The following NDUFAF2 variants were observed in gnomAD, a reference collection of about 807,000 sequenced individuals.
NDUFAF2 encodes the protein NADH:ubiquinone oxidoreductase complex assembly factor 2.
In NDUFAF2, 13 loss-of-function variants were observed where a neutral mutation model predicts 22.8. That is an observed-to-expected ratio of 0.57 (90% confidence interval 0.37 to 0.91). The LOEUF is 0.91. Ranked by LOEUF, NDUFAF2 falls within the 40% of genes least tolerant of loss-of-function variation. The pLI, the probability that NDUFAF2 is intolerant of heterozygous loss-of-function variation, is 0.01. For missense variants in NDUFAF2, 162 were observed against 195.2 expected (o/e 0.83, Z 1.01); for synonymous variants, 53 against 64.2 (o/e 0.83, Z 0.84).
chr5:60,985,188 G>A (rs981180258), intron 1 of NDUFAF2, among the ~76,000 whole-genome samples: 3 of 152,168 alleles, frequency 2.0e-5, no homozygotes, highest in African/African-American at 7.2e-5. Flanking sequence ...TCGTAGAGGT[G>A]TTTATAGTAT....
At chr5:61,086,128 A>G (rs184371519) in intron 2 of NDUFAF2, among the ~76,000 whole-genome samples, 1 of 152,268 alleles carries the variant, frequency 6.6e-6, no homozygotes, top group East Asian at 1.9e-4. Context: ...CTTAAAAAAA[A>G]AGAAAGGAAG....
chr5:61,071,767 C>G (rs1752302769), intron 1 of NDUFAF2, among the ~76,000 whole-genome samples: 1 of 152,144 alleles, frequency 6.6e-6, no homozygotes, highest in African/African-American at 2.4e-5. Context: ...AGCTCACATT[C>G]CCTGGAGTAG....
Position 60,948,695 on chromosome 5 carries a change from A to T in NDUFAF2, c.127+3313A>T, listed in dbSNP as rs548214824. Among the ~76,000 whole-genome samples the T allele has an allele frequency of 9.2e-5, 14 of 152,102 alleles. No individual in the cohort carries two copies. The South Asian group carries it at 2.7e-3, about 29-fold the overall frequency. ...TGTATATACCATAATTTGTTTATCCATTCACCTGTTCATAGATATTTGGGT... is the reference window on the plus strand; with the variant it reads ...TGTATATACCATAATTTGTTTATCCTTTCACCTGTTCATAGATATTTGGGT... On this transcript the variant is annotated intron_variant, in intron 1 of 3. Transcript: ENST00000296597.
chr5:61,034,351 C>T (rs1458982440), intron 1 of NDUFAF2, among the ~76,000 whole-genome samples: 2 of 152,090 alleles, frequency 1.3e-5, no homozygotes, highest in Admixed American at 6.6e-5. Flanking sequence ...TTTCCACAAA[C>T]CAAATGCACC....
In NDUFAF2 at chr5:60,945,216, G is replaced by C. The variant is rs1439952002; in HGVS notation, c.-40G>C. 6.2e-7 allele frequency: 1 copy of C among 1,607,160 alleles called. No individual in the cohort carries two copies. Among genetic ancestry groups the C allele is most frequent in the African/African-American group, 1.3e-5 (1 of 74,876 alleles). ...GCGGCTGGAGCATTACCCCTACTGCGGGTCCCGCTGCTGGCAGCGCTGGAA... is the reference window on the plus strand; with the variant it reads ...GCGGCTGGAGCATTACCCCTACTGCCGGTCCCGCTGCTGGCAGCGCTGGAA... On this transcript the variant is annotated 5_prime_UTR_variant, in exon 1 of 4. Transcript: ENST00000296597.
intron 3 of NDUFAF2, among the ~76,000 whole-genome samples, chr5:61,112,379 A>G (rs1349888419): frequency 6.6e-6 from 1 of 151,564 alleles, no homozygotes; most frequent in African/African-American, 2.4e-5. Flanking sequence ...ATGCCCAGCT[A>G]ATTTTTGTAT....
chr5:61,107,042 A>AAT (rs1249515499), intron 3 of NDUFAF2, among the ~76,000 whole-genome samples: 1 of 71,490 alleles, frequency 1.4e-5, no homozygotes, highest in Non-Finnish European at 2.7e-5. Flanking sequence ...CCTTTGGATA[A>AAT]ATATACACAC....
chr5:61,059,573 G>T (rs975520271), intron 1 of NDUFAF2, among the ~76,000 whole-genome samples: 1 of 151,982 alleles, frequency 6.6e-6, no homozygotes, highest in Non-Finnish European at 1.5e-5. Context: ...TATCTTTTCA[G>T]ATCTGAAAAG....
intron 3 of NDUFAF2, among the ~76,000 whole-genome samples, chr5:61,145,452 A>G (rs1424006885): frequency 6.6e-6 from 1 of 152,216 alleles, no homozygotes; most frequent in African/African-American, 2.4e-5. Context: ...CAAACATTAA[A>G]TACATGCAAG....
chr5:61,038,220 A>G (rs1412612646), intron 1 of NDUFAF2, among the ~76,000 whole-genome samples: 1 of 152,186 alleles, frequency 6.6e-6, no homozygotes, highest in African/African-American at 2.4e-5. Context: ...TACATAGATC[A>G]TCAAAAATAA....
intron 1 of NDUFAF2, among the ~76,000 whole-genome samples, chr5:60,962,131 C>T (rs1003364118): frequency 2.0e-5 from 3 of 151,090 alleles, no homozygotes; most frequent in Non-Finnish European, 4.4e-5. Flanking sequence ...CACAATCAAG[C>T]TTAGGCAACA....
intron 1 of NDUFAF2, among the ~76,000 whole-genome samples, chr5:61,008,503 A>G (rs1398300516): frequency 6.6e-6 from 1 of 152,096 alleles, no homozygotes; most frequent in Non-Finnish European, 1.5e-5. Flanking sequence ...ATTTCTCTCA[A>G]TGTTCAAAAC....
At chr5:60,979,638 GCCA>G (rs1750949746) in intron 1 of NDUFAF2, among the ~76,000 whole-genome samples, 1 of 152,140 alleles carries the variant, frequency 6.6e-6, no homozygotes, top group Admixed American at 6.5e-5. Flanking sequence ...TGCCGGCTCA[GCCA>G]CAGTGGAATA....
At chr5:61,140,311 A>G (rs948022617) in intron 3 of NDUFAF2, among the ~76,000 whole-genome samples, 7 of 152,078 alleles carry the variant, frequency 4.6e-5, no homozygotes, top group African/African-American at 1.7e-4. Context: ...TCTCAATACC[A>G]TTGTCTTGGT....
intron 3 of NDUFAF2, among the ~76,000 whole-genome samples, chr5:61,140,404 T>A (rs1202242930): frequency 6.6e-6 from 1 of 152,204 alleles, no homozygotes; most frequent in Non-Finnish European, 1.5e-5. Context: ...ACCTCTCCAA[T>A]CTAATTTCTA....
At chr5:61,127,040 A>C (rs1405401499) in intron 3 of NDUFAF2, among the ~76,000 whole-genome samples, 1 of 152,214 alleles carries the variant, frequency 6.6e-6, no homozygotes, top group Non-Finnish European at 1.5e-5. Context: ...ATCTAGAAGA[A>C]ATGGATAAAT....
Position 61,152,690 on chromosome 5 carries a change from A to T in NDUFAF2, c.259-14A>T, listed in dbSNP as rs1203487503. ...AGAAATTTAATAATTTCTTCCATTT[A>T]TATATACATGCAGGAAATACTAAAG... On this transcript the variant is annotated splice_polypyrimidine_tract_variant and intron_variant, in intron 3 of 3. Transcript: ENST00000296597. 1 of 1,492,622 alleles carries T rather than the reference A, an allele frequency of 6.7e-7. No homozygotes were observed. The highest frequency in any genetic ancestry group is 1.4e-5 in the African/African-American group (1 of 69,984). 92.5% of individuals were successfully genotyped at this position (1,492,622 alleles called of 1,614,324 possible). A position where few individuals can be genotyped will look rare whatever the true frequency, so the allele number is the denominator to read the frequency against.
chr5:61,124,620 A>C lies in NDUFAF2; in HGVS notation c.258+25588A>C, dbSNP rs911902339. Among the ~76,000 whole-genome samples the C allele has an allele frequency of 1.4e-4, 21 of 152,218 alleles. No individual in the cohort carries two copies. In the East Asian group the frequency reaches 3.9e-3, roughly 28 times the overall value. On this transcript the variant is annotated intron_variant, in intron 3 of 3. Coordinates refer to ENST00000296597, the MANE Select transcript of NDUFAF2 (RefSeq NM_174889.5). ...GCTATTACAATTTATTTAAAATTAA[A>C]ATTAAAAATTTAGTTTCTTGGTCAC...
chr5:61,124,963 C>G (rs866401231), intron 3 of NDUFAF2, among the ~76,000 whole-genome samples: 1 of 151,922 alleles, frequency 6.6e-6, no homozygotes, highest in South Asian at 2.1e-4. Flanking sequence ...TAGATGGTAG[C>G]AGGAGAGAGA....
Sources: allele counts gnomAD v4.1 joint callset (sites outside exome capture counted in the v4.1 genomes callset), GRCh38; gene constraint gnomAD v4.1.1; transcripts MANE v1.5; gene names NCBI Gene and HGNC (gene_info 2026-07-23, HGNC 2026-07-21).